Variants in CRIM1 observed in about 807,000 individuals in gnomAD.
CRIM1 encodes the protein cysteine rich transmembrane BMP regulator 1, also known as cysteine-rich motor neuron 1 protein.
A neutral mutation model predicts 116.4 loss-of-function variants in CRIM1; 32 were observed. That is an observed-to-expected ratio of 0.27 (90% CI 0.21 to 0.37). The LOEUF (loss-of-function observed/expected upper bound fraction) is 0.37. Among genes scored for constraint, CRIM1 ranks in the 10% least tolerant of loss-of-function variants. CRIM1 has a pLI of 1.00. For synonymous variants in CRIM1, 590 were observed against 509.2 expected, an observed-to-expected ratio of 1.16 and a Z score of -2.13; for missense variants, 1,331 against 1,354.8, an observed-to-expected ratio of 0.98 and a Z score of 0.28.
chr2:36,435,995 T>A (rs995599423), intron 2 of CRIM1, among the ~76,000 whole-genome samples: 2 of 151,844 alleles, frequency 1.3e-5, no homozygotes, highest in African/African-American at 2.4e-5. Flanking sequence ...TTAAGTATTA[T>A]ATATAGATCT....
At chr2:36,426,786 C>G (rs1474064085) in intron 2 of CRIM1, among the ~76,000 whole-genome samples, 1 of 152,164 alleles carries the variant, frequency 6.6e-6, no homozygotes, top group Non-Finnish European at 1.5e-5. Context: ...GTAGTGCTTT[C>G]CCTATTCCAG....
At chr2:36,519,733 G>T (rs1665254689) in intron 12 of CRIM1, among the ~76,000 whole-genome samples, 1 of 152,086 alleles carries the variant, frequency 6.6e-6, no homozygotes. Context: ...CTCTTCTCTG[G>T]CCTGGTTTAA....
chr2:36,385,136 A>G (rs377092103), intron 1 of CRIM1, among the ~76,000 whole-genome samples: 1 of 151,974 alleles, frequency 6.6e-6, no homozygotes, highest in African/African-American at 2.4e-5. Flanking sequence ...TATTTAGGGA[A>G]GATATTTCTT....
intron 2 of CRIM1, among the ~76,000 whole-genome samples, chr2:36,429,025 A>T (rs1674669239): frequency 6.6e-6 from 1 of 152,066 alleles, no homozygotes; most frequent in Admixed American, 6.6e-5. Context: ...TTCCCCTTCT[A>T]CTTTTCCCCT....
intron 7 of CRIM1, among the ~76,000 whole-genome samples, chr2:36,482,446 T>G (rs867975761): frequency 1.3e-5 from 2 of 152,250 alleles, no homozygotes; most frequent in Non-Finnish European, 2.9e-5. Flanking sequence ...TGAATGGATC[T>G]TACTGCTTAG....
intron 2 of CRIM1, among the ~76,000 whole-genome samples, chr2:36,422,647 G>T (rs188124697): frequency 3.3e-5 from 5 of 152,280 alleles, no homozygotes; most frequent in Non-Finnish European, 7.4e-5. Flanking sequence ...TTAATGATAC[G>T]ATTCTTGAGG....
rs1443141905 is a variant in CRIM1, at chr2:36,356,325, C to T, written c.33C>T (p.Ala11=). MYLVAGDRGL[A]GCGHLLVSLL... ...TGGTGGCGGGGGACAGGGGGTTGGC[C>T]GGCTGCGGGCACCTCCTGGTCTCGC... Residue 11 remains alanine (A), a synonymous_variant, in exon 1 of 17, where the codon GCC becomes GCT. Coordinates refer to ENST00000280527, the MANE Select transcript of CRIM1 (RefSeq NM_016441.3). The surrounding 1 kb of genome is among the most constrained non-coding windows in gnomAD (Gnocchi z 4.3). 5 of 1,575,968 alleles carry T rather than the reference C, an allele frequency of 3.2e-6. No homozygotes were observed. The highest frequency in any genetic ancestry group is 4.6e-5 in the East Asian group (2 of 43,178).
chr2:36,543,481 G>A (rs1408719355), intron 14 of CRIM1, among the ~76,000 whole-genome samples: 1 of 142,562 alleles, frequency 7.0e-6, no homozygotes, highest in Non-Finnish European at 1.5e-5. Flanking sequence ...AGGATCCTAC[G>A]TGTTGAGTAA....
intron 9 of CRIM1, among the ~76,000 whole-genome samples, chr2:36,511,916 A>T (rs891811533): frequency 9.9e-5 from 15 of 152,214 alleles, no homozygotes; most frequent in African/African-American, 3.4e-4. Flanking sequence ...GAAACAAATG[A>T]GTACACAGAT....
rs1355916474 is a variant in CRIM1 at position 36,550,941 on chromosome 2, C to T, written c.*2240C>T. 1 of 152,452 alleles carries T rather than the reference C, an allele frequency of 6.6e-6. No homozygotes were observed. Among genetic ancestry groups the T allele is most frequent in the Non-Finnish European group, 1.5e-5 (1 of 67,994 alleles). The allele number at this position is 152,452 out of a possible 1,614,324, so 9.4% of individuals were successfully genotyped here. On this transcript the variant is annotated 3_prime_UTR_variant, in exon 17 of 17. Transcript: ENST00000280527. Reference sequence around the variant, plus strand: ...ATATGATTTATCCTGAGTGCTGTATCTATTACTCTTTTACTTTGGTTCCTG... The same window carrying T: ...ATATGATTTATCCTGAGTGCTGTATTTATTACTCTTTTACTTTGGTTCCTG...
chr2:36,477,163 T>A, intron 6 of CRIM1, 92 bp downstream of exon 6: 1 of 1,051,522 alleles, frequency 9.5e-7, no homozygotes, highest in Non-Finnish European at 1.3e-6. Flanking sequence ...CATCCAAAAG[T>A]AAAGGAATAT....
intron 5 of CRIM1, among the ~76,000 whole-genome samples, chr2:36,469,419 G>T (rs112396098): frequency 2.1e-3 from 327 of 152,332 alleles, no homozygotes; most frequent in African/African-American, 7.1e-3. Context: ...ACAGTGAGGA[G>T]CCTGGATGAA....
rs754462406 is a variant in CRIM1, at chr2:36,513,784, C to G, written c.1990+19C>G. On this transcript the variant is annotated intron_variant, in intron 11 of 16. Transcript: ENST00000280527. ...TGTGCAGGTAAAAGCTGGCTGCCAT[C>G]TGTGTGCTCCATAAGCAAATGACTT... The G allele has an allele frequency of 6.2e-7, 1 of 1,607,798 alleles. No individual in the cohort carries two copies. Among genetic ancestry groups the G allele is most frequent in the South Asian group, 1.1e-5 (1 of 90,586 alleles).
At chr2:36,493,093 AT>A (rs746967732) in intron 7 of CRIM1, among the ~76,000 whole-genome samples, 32 of 152,202 alleles carry the variant, frequency 2.1e-4, no homozygotes, top group Admixed American at 7.2e-4. Context: ...CCACCTGAGT[AT>A]TTTTTCACTT....
At chr2:36,383,941 C>T (rs1002620658) in intron 1 of CRIM1, among the ~76,000 whole-genome samples, 1 of 152,272 alleles carries the variant, frequency 6.6e-6, no homozygotes, top group East Asian at 1.9e-4. Context: ...GTTCCAGGTG[C>T]AGAAGATACA....
chr2:36,422,871 T>C (rs1674175422), intron 2 of CRIM1, among the ~76,000 whole-genome samples: 1 of 152,194 alleles, frequency 6.6e-6, no homozygotes, highest in Admixed American at 6.5e-5. Flanking sequence ...GTCCATTGTC[T>C]TTTGTTGTCA....
chr2:36,490,476 G>A (rs1403062405), intron 7 of CRIM1, among the ~76,000 whole-genome samples: 1 of 152,020 alleles, frequency 6.6e-6, no homozygotes, highest in African/African-American at 2.4e-5. Flanking sequence ...GTGAGAAGAC[G>A]GGATGAGAAA....
Position 36,549,001 on chromosome 2 carries a change from G to A in CRIM1, c.*300G>A, listed in dbSNP as rs1667556651. ...GGGGTGGGGACAGTGAGTTTGGATGGGGAAATGGGTGGGAGGGTGGTGTTG... is the reference window on the plus strand; with the variant it reads ...GGGGTGGGGACAGTGAGTTTGGATGAGGAAATGGGTGGGAGGGTGGTGTTG... On this transcript the variant is annotated 3_prime_UTR_variant, in exon 17 of 17. Transcript: ENST00000280527. The A allele has an allele frequency of 5.2e-6, 1 of 191,348 alleles. No homozygotes were observed. Among genetic ancestry groups the A allele is most frequent in the Non-Finnish European group, 1.1e-5 (1 of 93,600 alleles). The allele number at this position is 191,348 out of a possible 1,614,324, so 11.9% of individuals were successfully genotyped here.
intron 4 of CRIM1, among the ~76,000 whole-genome samples, chr2:36,444,416 C>T (rs1676091192): frequency 6.6e-6 from 1 of 152,200 alleles, no homozygotes; most frequent in South Asian, 2.1e-4. Context: ...TGGATGGCCA[C>T]CTGCCCGGAA....
Sources: gnomAD v4.1 joint callset for allele counts (sites outside exome capture counted in the v4.1 genomes callset) on GRCh38, gnomAD v4.1.1 for gene constraint, Gnocchi (gnomAD v3.1) non-coding constraint, MANE v1.5 for transcripts, NCBI Gene and HGNC (gene_info 2026-07-23, HGNC 2026-07-21) for gene names.